The following DNAH11 variants were observed in gnomAD, a reference collection of about 807,000 sequenced individuals.
DNAH11 encodes the protein dynein axonemal heavy chain 11.
Under a neutral mutation model 526.0 loss-of-function variants are expected in DNAH11, and 442 were observed. The observed-to-expected ratio is 0.84, with a 90% CI of 0.78 to 0.91. DNAH11 has a LOEUF of 0.91. DNAH11 is among the 40% of genes least tolerant of loss of function. DNAH11 has a pLI of 0.00. For synonymous variants in DNAH11, 2,461 were observed against 1,935.9 expected, an observed-to-expected ratio of 1.27 and a Z score of -7.12; for missense variants, 6,989 against 5,448.7, an observed-to-expected ratio of 1.28 and a Z score of -8.90.
At chr7:21,745,105 T>C in intron 51 of DNAH11, 42 bp downstream of exon 51, 1 of 1,557,512 alleles carries the variant, frequency 6.4e-7, no homozygotes. Context: ...AAAGGAAGAA[T>C]GGCTGGATAT....
At position 21,789,223 on chromosome 7, in the gene DNAH11, T is replaced by C; in HGVS notation, c.9925-18T>C. ...TTACTTATCCTCTTTGTATCTGTAT[T>C]AATTCATGAATTTTCAGGTCTACTG... On this transcript the variant is annotated intron_variant, in intron 60 of 81. Transcript: ENST00000409508. 1 of 1,525,324 alleles carries C rather than the reference T, an allele frequency of 6.6e-7. No individual in the cohort carries two copies. The allele number at this position is 1,525,324 out of a possible 1,614,324, so 94.5% of individuals were successfully genotyped here.
intron 55 of DNAH11, 32 bp downstream of exon 55, chr7:21,765,621 C>A: frequency 1.5e-6 from 1 of 684,832 alleles, no homozygotes; most frequent in Non-Finnish European, 1.8e-6. Context: ...CACACACACA[C>A]ACACACACAC....
chr7:21,900,537 A>C (rs1206740219), intron 81 of DNAH11, among the ~76,000 whole-genome samples: 1 of 136,222 alleles, frequency 7.3e-6, no homozygotes, highest in East Asian at 2.0e-4. Context: ...AATCTCTAAG[A>C]GGGGGTTAGA....
At position 21,570,121 on chromosome 7, in the gene DNAH11, C is replaced by A. The variant is rs1783826754; in HGVS notation, c.1247C>A (p.Ser416Ter). 16 of 1,612,842 alleles carry A rather than the reference C, an allele frequency of 9.9e-6. No individual in the cohort carries two copies. The highest frequency in any genetic ancestry group is 1.4e-5 in the Non-Finnish European group (16 of 1,179,448). The change falls in exon 7 of 82, where the codon TCA becomes TAA. Residue 416 changes from serine (S) to a stop codon, truncating the protein, a stop_gained. Transcript: ENST00000409508. LOFTEE classifies it high-confidence loss of function. ...EDLLRGEIEE[S>*]LEKVQVAVNI... ...CTTTTGAGGGGAGAAATAGAAGAGT[C>A]ACTGGAAAAGGTGCAGGTGGCTGTT...
chr7:21,638,451 G>T (rs569810642), intron 27 of DNAH11, among the ~76,000 whole-genome samples: 1 of 152,120 alleles, frequency 6.6e-6, no homozygotes, highest in African/African-American at 2.4e-5. Context: ...CAATAAAGTG[G>T]AACCAATTCT....
intron 59 of DNAH11, among the ~76,000 whole-genome samples, 176 bp from the exon 60 acceptor site, chr7:21,787,225 C>A (rs1788230743): frequency 6.6e-6 from 1 of 152,148 alleles, no homozygotes; most frequent in South Asian, 2.1e-4. Flanking sequence ...TAAAAGTGTC[C>A]ATTGCTAATT....
intron 65 of DNAH11, among the ~76,000 whole-genome samples, chr7:21,824,095 T>G (rs1300518724): frequency 1.3e-5 from 2 of 152,186 alleles, no homozygotes; most frequent in Non-Finnish European, 2.9e-5. Context: ...GAGAAAACTT[T>G]CCTTTTCTAG....
At chr7:21,811,477 A>G (rs1340423951) in intron 63 of DNAH11, among the ~76,000 whole-genome samples, 1 of 151,938 alleles carries the variant, frequency 6.6e-6, no homozygotes, top group East Asian at 1.9e-4. Context: ...AATTAAGCCA[A>G]AAGGACAAAT....
Position 21,655,999 on chromosome 7 carries a change from G to C in DNAH11, c.5094+18G>C, listed in dbSNP as rs1782000778. 1 of 1,572,524 alleles carries C rather than the reference G, an allele frequency of 6.4e-7. No homozygotes were observed. Among genetic ancestry groups the C allele is most frequent in the Non-Finnish European group, 8.6e-7 (1 of 1,157,558 alleles). ...TGGGCCATGTAAGATTTGATTATGA[G>C]GTTTTCTATGCTAGGGGAGTATTTT... On this transcript the variant is annotated intron_variant, in intron 29 of 81. Coordinates refer to ENST00000409508, the MANE Select transcript of DNAH11 (RefSeq NM_001277115.2).
intron 54 of DNAH11, among the ~76,000 whole-genome samples, chr7:21,758,416 A>T (rs1278896605): frequency 2.6e-5 from 4 of 152,164 alleles, no homozygotes; most frequent in African/African-American, 9.7e-5. Flanking sequence ...ACTGCTGTAT[A>T]TTTACTCATT....
intron 6 of DNAH11, among the ~76,000 whole-genome samples, chr7:21,567,119 A>G (rs1446603272): frequency 1.3e-5 from 2 of 152,194 alleles, no homozygotes; most frequent in African/African-American, 4.8e-5. Context: ...AAAAGGTTAT[A>G]TCAATTACAT....
rs559357204 is a variant in DNAH11 at position 21,726,031 on chromosome 7, C to A, written c.7440+47C>A. 5 of 1,453,254 alleles carry A rather than the reference C, an allele frequency of 3.4e-6. No homozygotes were observed. The East Asian group carries it at 7.8e-5, about 23-fold the overall frequency. 90.0% of individuals were successfully genotyped at this position (1,453,254 alleles called of 1,614,324 possible). A position where few individuals can be genotyped will look rare whatever the true frequency, so the allele number is the denominator to read the frequency against. ...ATTGTATTAGTCTGTTTTCATATTG[C>A]TATAAAAAATACCTGCAACTGGGTA... On this transcript the variant is annotated intron_variant, in intron 45 of 81. Coordinates refer to ENST00000409508, the MANE Select transcript of DNAH11 (RefSeq NM_001277115.2).
intron 23 of DNAH11, chr7:21,618,340 G>C (rs1370131121): frequency 6.5e-6 from 1 of 152,758 alleles, no homozygotes; most frequent in Non-Finnish European, 1.5e-5. Flanking sequence ...TAGAGGGTAG[G>C]GAGGGGCAGA....
chr7:21,636,083 T>C lies in DNAH11; in HGVS notation c.4713T>C (p.Asp1571=), dbSNP rs72657324. ...VKDARRFDGV[D]AEFKELMFKT... The stretch of plus-strand genomic sequence containing the variant: ...ATGCTAGAAGATTTGATGGGGTGGA[T>C]GCTGAATTTAAGGTTTGTCAAAGAC... Residue 1571 remains aspartate, a synonymous_variant, in exon 26 of 82, where the codon GAT becomes GAC. Coordinates refer to ENST00000409508, the MANE Select transcript of DNAH11 (RefSeq NM_001277115.2). 43 of 1,610,400 alleles carry C rather than the reference T, an allele frequency of 2.7e-5. No homozygotes were observed. Among genetic ancestry groups the C allele is most frequent in the East Asian group, 2.5e-4 (11 of 44,784 alleles).
At chr7:21,822,501 A>G (rs956761802) in intron 65 of DNAH11, among the ~76,000 whole-genome samples, 3 of 152,198 alleles carry the variant, frequency 2.0e-5, no homozygotes, top group African/African-American at 4.8e-5. Flanking sequence ...GGAGAGGACA[A>G]ATATCCAAAC....
intron 42 of DNAH11, among the ~76,000 whole-genome samples, chr7:21,715,231 G>C (rs574668629): frequency 1.4e-3 from 208 of 152,236 alleles, no homozygotes; most frequent in African/African-American, 4.5e-3. Context: ...CAACCCCAGA[G>C]GCCTGAGTAA....
At chr7:21,840,012 A>G (rs928589623) in intron 65 of DNAH11, among the ~76,000 whole-genome samples, 28 of 152,248 alleles carry the variant, frequency 1.8e-4, no homozygotes, top group African/African-American at 6.5e-4. Context: ...TCTCATTAAA[A>G]ATGTTTCCAG....
chr7:21,654,170 A>T (rs1457547969), intron 28 of DNAH11, among the ~76,000 whole-genome samples: 1 of 152,128 alleles, frequency 6.6e-6, no homozygotes, highest in Non-Finnish European at 1.5e-5. Context: ...ACCACCTTTT[A>T]TCTAATTCCA....
intron 36 of DNAH11, among the ~76,000 whole-genome samples, chr7:21,700,805 T>C (rs1784022342): frequency 6.6e-6 from 1 of 152,178 alleles, no homozygotes; most frequent in Non-Finnish European, 1.5e-5. Context: ...TCATGTCCTT[T>C]GCAGAGACAT....
Sources: allele counts gnomAD v4.1 joint callset (sites outside exome capture counted in the v4.1 genomes callset), GRCh38; gene constraint gnomAD v4.1.1; transcripts MANE v1.5; gene names NCBI Gene and HGNC (gene_info 2026-07-23, HGNC 2026-07-21).